The following SPATA17 variants were observed in gnomAD, a reference collection of about 807,000 sequenced individuals.
SPATA17 encodes the protein spermatogenesis-associated protein 17.
In SPATA17, 53 loss-of-function variants were observed where a neutral mutation model predicts 62.2. The observed-to-expected ratio is 0.85, with a 90% confidence interval of 0.68 to 1.07. The LOEUF (loss-of-function observed/expected upper bound fraction) is 1.07, where lower values mean the gene tolerates loss of function less well. Ranked by LOEUF, SPATA17 falls within the 50% of genes least tolerant of loss-of-function variation. The pLI is 0.00. For missense variants in SPATA17, 466 were observed against 425.5 expected, an observed-to-expected ratio of 1.10 and a Z score of -0.84; for synonymous variants, 146 against 146.8, an observed-to-expected ratio of 0.99 and a Z score of 0.04.
intron 9 of SPATA17, among the ~76,000 whole-genome samples, chr1:217,817,386 C>T (rs4846247): frequency 0.29 from 44,193 of 151,876 alleles, 7,712 homozygotes; most frequent in Non-Finnish European, 0.38. Context: ...AAGAGGTTTT[C>T]CCCTTCATTC....
chr1:217,747,164 A>C (rs886387479), intron 6 of SPATA17, among the ~76,000 whole-genome samples: 1 of 152,064 alleles, frequency 6.6e-6, no homozygotes, highest in African/African-American at 2.4e-5. Flanking sequence ...TCCATTTGTA[A>C]ATTTAATTTA....
At chr1:217,858,814 G>C (rs1675835594) in intron 9 of SPATA17, among the ~76,000 whole-genome samples, 1 of 152,038 alleles carries the variant, frequency 6.6e-6, no homozygotes. Context: ...TGGATCACAA[G>C]GTCGGGAGTT....
At chr1:217,854,649 A>C (rs2103013607) in intron 9 of SPATA17, among the ~76,000 whole-genome samples, 1 of 152,140 alleles carries the variant, frequency 6.6e-6, no homozygotes, top group Admixed American at 6.6e-5. Flanking sequence ...ATACTTTGAA[A>C]CCCAGGTAAT....
chr1:217,864,415 A>C (rs1675964163), intron 10 of SPATA17, among the ~76,000 whole-genome samples: 1 of 152,114 alleles, frequency 6.6e-6, no homozygotes. Flanking sequence ...AAATGCCTAC[A>C]ATATATTTCT....
chr1:217,840,774 G>A (rs955723092), intron 9 of SPATA17, among the ~76,000 whole-genome samples: 1 of 151,918 alleles, frequency 6.6e-6, no homozygotes, highest in African/African-American at 2.4e-5. Flanking sequence ...CAGGAGGATT[G>A]CTTGAGCCCA....
At chr1:217,757,167 G>T (rs1215266250) in intron 6 of SPATA17, among the ~76,000 whole-genome samples, 1 of 152,178 alleles carries the variant, frequency 6.6e-6, no homozygotes, top group Non-Finnish European at 1.5e-5. Context: ...ACTTGGCTAA[G>T]ATGGGAAAGA....
chr1:217,778,358 T>A (rs1673645062), intron 7 of SPATA17, among the ~76,000 whole-genome samples: 1 of 152,028 alleles, frequency 6.6e-6, no homozygotes, highest in Non-Finnish European at 1.5e-5. Flanking sequence ...CTGCCTCTAC[T>A]AAAAATACAA....
intron 3 of SPATA17, 54 bp from the exon 4 acceptor site, chr1:217,668,979 T>G: frequency 7.1e-7 from 1 of 1,413,292 alleles, no homozygotes; most frequent in South Asian, 1.2e-5. Context: ...AAAAATAGGC[T>G]GCACTGTCTT....
At position 217,742,024 on chromosome 1, in the gene SPATA17, G is replaced by A. The variant is rs375903751; in HGVS notation, c.445G>A (p.Ala149Thr). The part of the protein sequence containing the change: ...AEMKEREEKK[A>T]NLEREEKKRD... The stretch of plus-strand genomic sequence containing the variant: ...AATGAAAGAAAGAGAAGAGAAGAAG[G>A]CTAACCTCGAAAGGGAAGAGAAGAA... Residue 149 changes from alanine (A) to threonine (T), a missense_variant, in exon 6 of 11, where the codon GCT (alanine) becomes ACT (threonine). By Grantham distance (58) the Ala-to-Thr change is moderately conservative. Coordinates refer to ENST00000366933, the MANE Select transcript of SPATA17 (RefSeq NM_138796.4). 57 of 1,610,962 alleles carry A rather than the reference G, an allele frequency of 3.5e-5. 1 individual carries two copies. The highest frequency in any genetic ancestry group is 4.5e-5 in the Non-Finnish European group (53 of 1,177,386).
chr1:217,779,144 TTGTGTGTG>T (rs55714817), intron 7 of SPATA17, among the ~76,000 whole-genome samples: 50 of 148,432 alleles, frequency 3.4e-4, no homozygotes, highest in African/African-American at 5.9e-4. Context: ...GTAAAACAAC[TTGTGTGTG>T]TGTGTGTGTG....
chr1:217,749,985 C>CTATATATATA (rs57489651), intron 6 of SPATA17, among the ~76,000 whole-genome samples: 126 of 12,294 alleles, frequency 0.01, 13 homozygotes, highest in East Asian at 0.023. Flanking sequence ...CTCTCTCTCT[C>CTATATATATA]TATATATATA....
At chr1:217,783,772 T>C (rs1429026291) in intron 8 of SPATA17, among the ~76,000 whole-genome samples, 3 of 152,152 alleles carry the variant, frequency 2.0e-5, no homozygotes, top group Non-Finnish European at 2.9e-5. Flanking sequence ...TGTGATATCA[T>C]TTCTTACTAT....
chr1:217,652,203 T>C (rs749731420), intron 3 of SPATA17, among the ~76,000 whole-genome samples: 1 of 152,234 alleles, frequency 6.6e-6, no homozygotes, highest in Non-Finnish European at 1.5e-5. Context: ...CAAAAATTGA[T>C]ACTGATTGGT....
At chr1:217,763,601 T>C (rs999484407) in intron 6 of SPATA17, among the ~76,000 whole-genome samples, 1 of 152,236 alleles carries the variant, frequency 6.6e-6, no homozygotes, top group Non-Finnish European at 1.5e-5. Context: ...ATTAAGGAAC[T>C]AAAATACTTG....
chr1:217,667,048 C>CTTTTTTTTTT (rs1191694917), intron 3 of SPATA17, among the ~76,000 whole-genome samples: 63 of 115,522 alleles, frequency 5.5e-4, no homozygotes, highest in Non-Finnish European at 7.0e-4. Flanking sequence ...TTTTTTTTTT[C>CTTTTTTTTTT]TTTTTTTTTT....
chr1:217,865,638 T>G (rs1172414259), intron 10 of SPATA17, among the ~76,000 whole-genome samples: 1 of 152,212 alleles, frequency 6.6e-6, no homozygotes, highest in Non-Finnish European at 1.5e-5. Flanking sequence ...TTGCCATCCT[T>G]TTAGCTCCAT....
At chr1:217,795,421 G>T (rs1278352207) in intron 8 of SPATA17, among the ~76,000 whole-genome samples, 1 of 149,526 alleles carries the variant, frequency 6.7e-6, no homozygotes, top group African/African-American at 2.5e-5. Flanking sequence ...CCAGGCTGGG[G>T]TGCAGTGGTG....
intron 9 of SPATA17, among the ~76,000 whole-genome samples, chr1:217,837,169 G>T (rs1177482246): frequency 6.6e-6 from 1 of 151,976 alleles, no homozygotes; most frequent in Non-Finnish European, 1.5e-5. Context: ...TAGATATTTT[G>T]GTTCTCAGTA....
intron 6 of SPATA17, among the ~76,000 whole-genome samples, chr1:217,749,142 G>C (rs1313154620): frequency 6.6e-6 from 1 of 152,168 alleles, no homozygotes; most frequent in Non-Finnish European, 1.5e-5. Flanking sequence ...GGAAACTCGA[G>C]TAATGTTAAG....
Sources: gnomAD v4.1 joint callset for allele counts (sites outside exome capture counted in the v4.1 genomes callset) on GRCh38, gnomAD v4.1.1 for gene constraint, MANE v1.5 for transcripts, NCBI Gene and HGNC (gene_info 2026-07-23, HGNC 2026-07-21) for gene names.